The following PTPRD variants were observed in gnomAD, a reference collection of about 807,000 sequenced individuals.
The protein encoded by PTPRD is protein tyrosine phosphatase receptor type D.
PTPRD carries 34 observed loss-of-function variants against 214.5 expected under a neutral mutation model. The observed-to-expected ratio is 0.16, with a 90% CI of 0.12 to 0.21. PTPRD has a LOEUF of 0.21. Among genes scored for constraint, PTPRD ranks in the 10% least tolerant of loss-of-function variants. PTPRD has a pLI of 1.00. For missense variants in PTPRD, 2,545 were observed against 2,398.7 expected (o/e 1.06, Z -1.27); for synonymous variants, 1,128 against 845.7 (o/e 1.33, Z -5.79).
At chr9:10,285,346 G>C (rs895031202) in intron 3 of PTPRD, among the ~76,000 whole-genome samples, 1 of 152,020 alleles carries the variant, frequency 6.6e-6, no homozygotes, top group Middle Eastern at 3.2e-3. Flanking sequence ...TTTATGTTAT[G>C]AACTTTAAAA....
At chr9:9,714,886 G>C (rs1226453674) in intron 7 of PTPRD, among the ~76,000 whole-genome samples, 1 of 152,150 alleles carries the variant, frequency 6.6e-6, no homozygotes, top group Non-Finnish European at 1.5e-5. Context: ...AGATGTTGTG[G>C]TAAATAGGGG....
chr9:8,574,037 C>T (rs936809051), intron 14 of PTPRD, among the ~76,000 whole-genome samples: 1 of 151,816 alleles, frequency 6.6e-6, no homozygotes, highest in Non-Finnish European at 1.5e-5. Context: ...CTGGTTCCTC[C>T]TCAGTACAAA....
intron 9 of PTPRD, among the ~76,000 whole-genome samples, chr9:9,367,734 G>C (rs2058275364): frequency 6.6e-6 from 1 of 151,688 alleles, no homozygotes. Flanking sequence ...GGTGTGGAGA[G>C]GCTATCACAG....
chr9:10,339,955 C>G (rs2096908739), intron 3 of PTPRD, among the ~76,000 whole-genome samples: 1 of 151,756 alleles, frequency 6.6e-6, no homozygotes, highest in Non-Finnish European at 1.5e-5. Flanking sequence ...TAACTATATT[C>G]TTTGATTTAG....
At chr9:9,900,312 A>G (rs927867751) in intron 5 of PTPRD, among the ~76,000 whole-genome samples, 2 of 152,190 alleles carry the variant, frequency 1.3e-5, no homozygotes, top group Non-Finnish European at 2.9e-5. Context: ...TGCAGCTTAG[A>G]TATTTCTTCT....
intron 5 of PTPRD, among the ~76,000 whole-genome samples, chr9:9,809,885 C>G (rs1014835411): frequency 2.6e-5 from 4 of 152,092 alleles, no homozygotes; most frequent in African/African-American, 9.7e-5. Context: ...TTATCAAATA[C>G]ATATCAAGTG....
chr9:8,790,564 C>G (rs927839785), intron 11 of PTPRD, among the ~76,000 whole-genome samples: 2 of 151,934 alleles, frequency 1.3e-5, no homozygotes, highest in African/African-American at 4.8e-5. Flanking sequence ...ACTACAGGTG[C>G]CTGCATCTGT....
chr9:9,251,743 G>A (rs913956112), intron 9 of PTPRD, among the ~76,000 whole-genome samples: 1 of 152,050 alleles, frequency 6.6e-6, no homozygotes, highest in African/African-American at 2.4e-5. Flanking sequence ...ACATTTGAAA[G>A]AAGCCAAAAG....
At chr9:8,901,887 T>C (rs2098671689) in intron 11 of PTPRD, among the ~76,000 whole-genome samples, 3 of 152,206 alleles carry the variant, frequency 2.0e-5, no homozygotes, top group Admixed American at 2.0e-4. Context: ...TCTCTGAAAT[T>C]CCAGACACAG....
intron 11 of PTPRD, among the ~76,000 whole-genome samples, chr9:9,001,060 T>G (rs2099416272): frequency 6.6e-6 from 1 of 151,938 alleles, no homozygotes; most frequent in Non-Finnish European, 1.5e-5. Context: ...GCTAATACTC[T>G]CTCAAATTTC....
intron 7 of PTPRD, among the ~76,000 whole-genome samples, chr9:9,641,337 C>G (rs955765940): frequency 1.1e-4 from 16 of 152,150 alleles, no homozygotes; most frequent in Admixed American, 5.2e-4. Flanking sequence ...GTCTAAGTGA[C>G]AGGATAGGCT....
At chr9:10,460,268 G>C (rs1018850975) in intron 2 of PTPRD, among the ~76,000 whole-genome samples, 1 of 151,942 alleles carries the variant, frequency 6.6e-6, no homozygotes, top group African/African-American at 2.4e-5. Context: ...CATGCTTATG[G>C]ATCAGAAACA....
intron 3 of PTPRD, among the ~76,000 whole-genome samples, chr9:10,324,779 T>C (rs1306927220): frequency 6.6e-6 from 1 of 152,050 alleles, no homozygotes; most frequent in Non-Finnish European, 1.5e-5. Context: ...TCCAAGCTTT[T>C]GAAATACTCT....
intron 3 of PTPRD, among the ~76,000 whole-genome samples, chr9:10,205,863 G>T (rs990572753): frequency 1.3e-5 from 2 of 151,952 alleles, no homozygotes; most frequent in African/African-American, 4.8e-5. Context: ...ATTCACTTTG[G>T]GTTCAATTTT....
At chr9:10,571,668 C>T (rs751456168) in intron 2 of PTPRD, among the ~76,000 whole-genome samples, 1 of 152,038 alleles carries the variant, frequency 6.6e-6, no homozygotes, top group Non-Finnish European at 1.5e-5. Context: ...GTCCCCAAAC[C>T]GTTTTCAGCA....
intron 30 of PTPRD, among the ~76,000 whole-genome samples, chr9:8,473,928 A>T (rs2096711297): frequency 6.6e-6 from 1 of 152,336 alleles, no homozygotes; most frequent in East Asian, 1.9e-4. Flanking sequence ...ATTCTGTATC[A>T]TACAAAGCCT....
chr9:8,825,266 G>A (rs2097152915), intron 11 of PTPRD, among the ~76,000 whole-genome samples: 1 of 152,094 alleles, frequency 6.6e-6, no homozygotes, highest in South Asian at 2.1e-4. Flanking sequence ...GTTTTTATTG[G>A]CTTTACAAGT....
chr9:9,882,403 C>G (rs10514817), intron 5 of PTPRD, among the ~76,000 whole-genome samples: 1 of 152,034 alleles, frequency 6.6e-6, no homozygotes, highest in Admixed American at 6.6e-5. Flanking sequence ...ATATCATGAT[C>G]CAAATGGTGA....
rs990715996 is a variant in PTPRD, at chr9:10,580,808, T to A, written c.-600+31590A>T. Among the ~76,000 whole-genome samples, 22 of 152,214 alleles carry A rather than the reference T, an allele frequency of 1.4e-4. 1 individual carries two copies. The highest frequency in any genetic ancestry group is 1.5e-5 in the Non-Finnish European group (1 of 68,032). ...ATAGTCAGAGTATCTGATCCTTAAATAAATTTTTATTTCACCATATCCTTT... is the reference window on the plus strand; with the variant it reads ...ATAGTCAGAGTATCTGATCCTTAAAAAAATTTTTATTTCACCATATCCTTT... On this transcript the variant is annotated intron_variant, in intron 2 of 45. Coordinates refer to ENST00000381196, the MANE Select transcript of PTPRD (RefSeq NM_002839.4).
Sources: allele counts gnomAD v4.1 joint callset (sites outside exome capture counted in the v4.1 genomes callset), GRCh38; gene constraint gnomAD v4.1.1; transcripts MANE v1.5; gene names NCBI Gene and HGNC (gene_info 2026-07-23, HGNC 2026-07-21).